The following RBL2 variants were observed in gnomAD, a reference collection of about 807,000 sequenced individuals.
RBL2 encodes the protein retinoblastoma-like protein 2.
RBL2 carries 56 observed loss-of-function variants against 126.0 expected under a neutral mutation model. The ratio of observed to expected loss-of-function variants is 0.44; its 90% CI spans 0.36 to 0.56. RBL2 has a LOEUF of 0.56. Among genes scored for constraint, RBL2 ranks in the 20% least tolerant of loss-of-function variants. RBL2 has a pLI of 0.00. For missense variants in RBL2, 1,229 were observed against 1,398.2 expected (o/e 0.88, Z 1.93); for synonymous variants, 454 against 478.5 (o/e 0.95, Z 0.67).
intron 18 of RBL2, 100 bp downstream of exon 18, chr16:53,479,325 AAAC>A: frequency 9.8e-7 from 1 of 1,017,696 alleles, no homozygotes; most frequent in Non-Finnish European, 1.5e-6. Flanking sequence ...TTTCCAAGAT[AAAC>A]ACCTGGGACT....
Position 53,459,454 on chromosome 16 carries a change from A to G in RBL2, c.1183A>G (p.Lys395Glu), listed in dbSNP as rs1388276469. The change falls in exon 9 of 22, where the codon AAA becomes GAA. Residue 395 changes from lysine to glutamate, a missense_variant. Physicochemically the swap from Lys to Glu is moderately conservative, Grantham distance 56. Around this residue, in one of 2 missense-constraint regions of RBL2, gnomAD observed 1,070 missense variants for 1,274.3 expected, o/e 0.84. Transcript: ENST00000262133. ...GTGTAATTTTTTTTTTCTTTAGTCC[A>G]AAGCACTTAGAATCTCCACACCACT... ...NILQQHFDKS[K>E]ALRISTPLTG... is the part of the protein sequence containing the mutation. 4.3e-6 allele frequency: 7 copies of G among 1,611,526 alleles called. No individual in the cohort carries two copies. Among genetic ancestry groups the G allele is most frequent in the Non-Finnish European group, 5.1e-6 (6 of 1,178,952 alleles).
chr16:53,462,652 A>G lies in RBL2; in HGVS notation c.1557A>G (p.Leu519=). Residue 519 remains leucine (L), a synonymous_variant, in exon 11 of 22, where the codon TTA becomes TTG. Transcript: ENST00000262133. ...QEQKRLGDMD[L]SGILEQDAFH... ...AAAAAAGACTAGGAGACATGGATTT[A>G]TCTGTGAGTAAAATAACCAATGTAT... The G allele has an allele frequency of 6.6e-7, 1 of 1,508,496 alleles. No homozygotes were observed. The highest frequency in any genetic ancestry group is 9.0e-7 in the Non-Finnish European group (1 of 1,110,900). 93.4% of individuals were successfully genotyped at this position (1,508,496 alleles called of 1,614,324 possible). A position where few individuals can be genotyped will look rare whatever the true frequency, so the allele number is the denominator to read the frequency against.
rs1016689254 is a variant in RBL2, at chr16:53,491,428, C to G, written c.*1128C>G. 2 of 152,242 alleles carry G rather than the reference C, an allele frequency of 1.3e-5. No individual in the cohort carries two copies. Among genetic ancestry groups the G allele is most frequent in the Admixed American group, 6.5e-5 (1 of 15,268 alleles). 9.4% of individuals were successfully genotyped at this position (152,242 alleles called of 1,614,324 possible). On this transcript the variant is annotated 3_prime_UTR_variant, in exon 22 of 22. Coordinates refer to ENST00000262133, the MANE Select transcript of RBL2 (RefSeq NM_005611.4). ...TAATCACTATTGTTCCAGCAGTTTT[C>G]AAGTCAAATTAATAATCTTATTAGG...
At chr16:53,467,837 A>G (rs1320270972) in intron 14 of RBL2, among the ~76,000 whole-genome samples, 4 of 152,256 alleles carry the variant, frequency 2.6e-5, no homozygotes, top group Non-Finnish European at 5.9e-5. Flanking sequence ...TAAGGCAAAT[A>G]CATATTACTT....
chr16:53,483,182 A>G (rs1961024246), intron 21 of RBL2, among the ~76,000 whole-genome samples: 3 of 152,188 alleles, frequency 2.0e-5, no homozygotes, highest in Admixed American at 1.3e-4. Context: ...GAGTGAAAGC[A>G]ACTCTTAGAC....
At chr16:53,468,329 C>T (rs1040477852) in intron 14 of RBL2, among the ~76,000 whole-genome samples, 2 of 151,998 alleles carry the variant, frequency 1.3e-5, no homozygotes, top group Admixed American at 6.6e-5. Context: ...ACTTGAGCCC[C>T]GGAGTTCAAG....
At chr16:53,445,664 A>G (rs1280887750) in intron 3 of RBL2, 1 of 152,218 alleles carries the variant, frequency 6.6e-6, no homozygotes, top group African/African-American at 2.4e-5. Flanking sequence ...CATCTCTCAC[A>G]CACTATCTGA....
chr16:53,439,111 A>G lies in RBL2; in HGVS notation c.336A>G (p.Val112=), dbSNP rs759900323. The G allele has an allele frequency of 5.0e-6, 8 of 1,606,698 alleles. No homozygotes were observed. The highest frequency in any genetic ancestry group is 5.9e-6 in the Non-Finnish European group (7 of 1,176,844). ...VSKGTVEGNY[V]SLTRILKCSE... ...AAGGGACAGTGGAAGGAAACTATGT[A>G]TCTTTAACTAGAATCCTGAAATGTT... The change falls in exon 2 of 22, where the codon GTA becomes GTG. Residue 112 remains valine, a synonymous_variant. Transcript: ENST00000262133.
intron 8 of RBL2, 35 bp from the exon 9 acceptor site, chr16:53,459,416 G>C: frequency 1.9e-5 from 30 of 1,548,862 alleles, no homozygotes; most frequent in Non-Finnish European, 2.6e-5. Context: ...TTTAAAAAAT[G>C]TTTATTAATT....
intron 14 of RBL2, among the ~76,000 whole-genome samples, chr16:53,468,300 A>G (rs1182966466): frequency 1.3e-5 from 2 of 152,112 alleles, no homozygotes; most frequent in African/African-American, 4.8e-5. Flanking sequence ...GCACTGTGGG[A>G]GACCTAGTGG....
intron 2 of RBL2, among the ~76,000 whole-genome samples, chr16:53,441,277 G>C (rs1185161622): frequency 6.6e-6 from 1 of 151,968 alleles, no homozygotes; most frequent in Non-Finnish European, 1.5e-5. Context: ...CTATATTGCT[G>C]GTGTACATTG....
chr16:53,453,717 A>G lies in RBL2; in HGVS notation c.940A>G (p.Lys314Glu), dbSNP rs2150795408. ...TCTTTCATCATAGCTCCTTAAGGGA[A>G]AAGAAGAAAATCTCACTGGGTTTCT... ...KLYEKKLLKG[K>E]EENLTGFLEP... The change falls in exon 7 of 22, where the codon AAA becomes GAA. Residue 314 changes from lysine (K) to glutamate (E), a missense_variant. By Grantham distance (56) the Lys-to-Glu change is moderately conservative. Around this residue, in one of 2 missense-constraint regions of RBL2, gnomAD observed 1,070 missense variants for 1,274.3 expected, o/e 0.84. Coordinates refer to ENST00000262133, the MANE Select transcript of RBL2 (RefSeq NM_005611.4). 3 of 1,611,406 alleles carry G rather than the reference A, an allele frequency of 1.9e-6. No individual in the cohort carries two copies. The highest frequency in any genetic ancestry group is 4.5e-5 in the East Asian group (2 of 44,806).
intron 17 of RBL2, 65 bp from the exon 18 acceptor site, chr16:53,479,089 A>C: frequency 1.5e-6 from 2 of 1,312,120 alleles, no homozygotes; most frequent in Non-Finnish European, 2.2e-6. Context: ...GCAGGTTCAC[A>C]GAGCTCCTCA....
At chr16:53,484,702 G>A (rs1961091236) in intron 21 of RBL2, among the ~76,000 whole-genome samples, 1 of 152,190 alleles carries the variant, frequency 6.6e-6, no homozygotes, top group Non-Finnish European at 1.5e-5. Context: ...TTCTGCTTAT[G>A]AACAAGAAGT....
intron 1 of RBL2, 130 bp downstream of exon 1, chr16:53,434,926 C>G: frequency 7.5e-7 from 1 of 1,330,566 alleles, no homozygotes. Context: ...GTGGGGACTT[C>G]CTCTGCGCTA....
At chr16:53,477,519 A>AT (rs550886235) in intron 17 of RBL2, among the ~76,000 whole-genome samples, 2,590 of 151,802 alleles carry the variant, frequency 0.017, 30 homozygotes, top group Middle Eastern at 0.044. Flanking sequence ...TGATTTTTGT[A>AT]TTTTTTTGTA....
rs143130638 is a variant in RBL2, at chr16:53,480,670, T to C, written c.2985T>C (p.Ser995=). The C allele has an allele frequency of 7.6e-5, 122 of 1,613,654 alleles. No homozygotes were observed. The African/African-American group carries it at 1.4e-3, about 18-fold the overall frequency. The change falls in exon 20 of 22, where the codon AGT becomes AGC. Residue 995 remains serine, a synonymous_variant. Coordinates refer to ENST00000262133, the MANE Select transcript of RBL2 (RefSeq NM_005611.4). The part of the protein sequence containing the change: ...PTPTRLTGAN[S]DMEEEERGDL... Reference sequence around the variant, plus strand: ...CTACTCGCCTCACAGGTGCCAACAGTGACATGGAAGAAGAGGAGAGGGGAG... The same window carrying C: ...CTACTCGCCTCACAGGTGCCAACAGCGACATGGAAGAAGAGGAGAGGGGAG...
At chr16:53,488,800 G>A (rs901573695) in intron 21 of RBL2, 8 of 152,182 alleles carry the variant, frequency 5.3e-5, no homozygotes, top group African/African-American at 1.9e-4. Context: ...AATGTATACA[G>A]TAAACAGTGT....
At chr16:53,438,820 G>C (rs1371170568) in intron 1 of RBL2, among the ~76,000 whole-genome samples, 196 bp from the exon 2 acceptor site, 2 of 134,084 alleles carry the variant, frequency 1.5e-5, no homozygotes, top group Admixed American at 1.6e-4. Context: ...CTCCAGCCTG[G>C]GTGACAGAGC....
Sources: gnomAD v4.1 joint callset for allele counts (sites outside exome capture counted in the v4.1 genomes callset) on GRCh38, gnomAD v4.1.1 for gene constraint, gnomAD v4.1.1 regional missense constraint, MANE v1.5 for transcripts, NCBI Gene and HGNC (gene_info 2026-07-23, HGNC 2026-07-21) for gene names.